Variants in PCMTD1 observed in about 807,000 individuals in gnomAD.
PCMTD1 encodes protein-L-isoaspartate (D-aspartate) O-methyltransferase domain containing 1.
PCMTD1 carries 12 observed loss-of-function variants against 37.6 expected under a neutral mutation model. The observed-to-expected ratio is 0.32, with a 90% CI of 0.20 to 0.52. The LOEUF (loss-of-function observed/expected upper bound fraction) is 0.52. Among genes scored for constraint, PCMTD1 ranks in the 20% least tolerant of loss-of-function variants. The pLI is 0.97. For synonymous variants in PCMTD1, 117 were observed against 135.8 expected, an observed-to-expected ratio of 0.86 and a Z score of 0.96; for missense variants, 235 against 421.3, an observed-to-expected ratio of 0.56 and a Z score of 3.87.
intron 1 of PCMTD1, among the ~76,000 whole-genome samples, chr8:51,887,680 A>C (rs1261230489): frequency 1.3e-5 from 2 of 152,014 alleles, no homozygotes; most frequent in Middle Eastern, 3.2e-3. Context: ...ATAAATTAAA[A>C]AAAAAAAAGA....
chr8:51,897,509 A>G (rs188740665), intron 1 of PCMTD1, among the ~76,000 whole-genome samples: 35 of 152,356 alleles, frequency 2.3e-4, no homozygotes, highest in Admixed American at 2.1e-3. Context: ...AAATTTACTT[A>G]GAAAAAAATG....
chr8:51,830,182 T>C (rs957719471), intron 5 of PCMTD1, among the ~76,000 whole-genome samples: 1 of 152,134 alleles, frequency 6.6e-6, no homozygotes, highest in Non-Finnish European at 1.5e-5. Context: ...TATCGCTAAA[T>C]TGGTGGACCT....
chr8:51,883,190 A>T (rs1313979676), intron 1 of PCMTD1, among the ~76,000 whole-genome samples: 12 of 152,168 alleles, frequency 7.9e-5, no homozygotes, highest in African/African-American at 2.7e-4. Context: ...GTTCAAAATG[A>T]GAGCAAATCA....
intron 1 of PCMTD1, among the ~76,000 whole-genome samples, chr8:51,882,775 G>A (rs7464192): frequency 0.69 from 103,031 of 148,844 alleles, 41,826 homozygotes; most frequent in Non-Finnish European, 0.9. Flanking sequence ...GAGAGAAAAC[G>A]CAAGTCTTTA....
intron 1 of PCMTD1, among the ~76,000 whole-genome samples, chr8:51,888,339 A>G (rs1383390043): frequency 6.6e-6 from 1 of 152,210 alleles, no homozygotes; most frequent in Non-Finnish European, 1.5e-5. Context: ...AAGAGGGAGC[A>G]TCCTTTTAAA....
intron 5 of PCMTD1, among the ~76,000 whole-genome samples, chr8:51,826,432 G>T (rs974652969): frequency 7.2e-5 from 11 of 152,146 alleles, no homozygotes; most frequent in Non-Finnish European, 1.5e-4. Flanking sequence ...GTCATGGGTT[G>T]ATGGGTGCAG....
intron 1 of PCMTD1, among the ~76,000 whole-genome samples, chr8:51,868,412 A>G (rs999359566): frequency 2.6e-5 from 4 of 152,286 alleles, no homozygotes; most frequent in South Asian, 2.1e-4. Context: ...CAAAATGGCT[A>G]TATGTGTTAA....
At chr8:51,842,699 T>C (rs2038164867) in intron 3 of PCMTD1, among the ~76,000 whole-genome samples, 1 of 152,100 alleles carries the variant, frequency 6.6e-6, no homozygotes, top group African/African-American at 2.4e-5. Flanking sequence ...TTACCCCCTC[T>C]ACTGTATTTG....
chr8:51,842,279 AAAG>A, intron 3 of PCMTD1, among the ~76,000 whole-genome samples: 1 of 152,210 alleles, frequency 6.6e-6, no homozygotes, highest in South Asian at 2.1e-4. Flanking sequence ...TTTTTTAAAG[AAAG>A]AATACTACTT....
chr8:51,828,051 T>A (rs905102548), intron 5 of PCMTD1, among the ~76,000 whole-genome samples: 3 of 152,200 alleles, frequency 2.0e-5, no homozygotes, highest in African/African-American at 7.2e-5. Flanking sequence ...TAAAATAAAC[T>A]AAGAAAACTA....
intron 5 of PCMTD1, among the ~76,000 whole-genome samples, chr8:51,826,197 G>A (rs2037919016): frequency 1.3e-5 from 2 of 152,214 alleles, no homozygotes; most frequent in South Asian, 2.1e-4. Flanking sequence ...AAAAAAGGAT[G>A]AGTTCATGTC....
At chr8:51,857,002 G>A (rs1207064457) in intron 2 of PCMTD1, among the ~76,000 whole-genome samples, 1 of 152,238 alleles carries the variant, frequency 6.6e-6, no homozygotes, top group East Asian at 1.9e-4. Context: ...GGCAGAGCGA[G>A]CAAGAGAGAA....
At chr8:51,858,754 A>G (rs2038428340) in intron 2 of PCMTD1, among the ~76,000 whole-genome samples, 2 of 152,248 alleles carry the variant, frequency 1.3e-5, no homozygotes, top group South Asian at 4.1e-4. Context: ...TAGCAGGATC[A>G]TACAAAGATA....
chr8:51,886,840 GAC>G (rs1332465702), intron 1 of PCMTD1, among the ~76,000 whole-genome samples: 1 of 152,194 alleles, frequency 6.6e-6, no homozygotes, highest in African/African-American at 2.4e-5. Context: ...TCAGAAGTCT[GAC>G]ACAGGCTTCA....
chr8:51,885,377 C>CT (rs1367526845), intron 1 of PCMTD1, among the ~76,000 whole-genome samples: 1 of 152,194 alleles, frequency 6.6e-6, no homozygotes, highest in African/African-American at 2.4e-5. Flanking sequence ...CCAGCCCTGA[C>CT]TAAGAGTACT....
chr8:51,866,534 C>G (rs2038557954), intron 1 of PCMTD1, among the ~76,000 whole-genome samples: 1 of 151,834 alleles, frequency 6.6e-6, no homozygotes, highest in East Asian at 1.9e-4. Context: ...TAAGAAAGCA[C>G]AGTCTCTTCA....
At chr8:51,853,344 A>T (rs1317794830) in intron 2 of PCMTD1, among the ~76,000 whole-genome samples, 1 of 152,202 alleles carries the variant, frequency 6.6e-6, no homozygotes, top group Non-Finnish European at 1.5e-5. Context: ...AACCTGACGC[A>T]TTCAGTCCAA....
intron 3 of PCMTD1, among the ~76,000 whole-genome samples, chr8:51,844,090 A>G (rs2038184398): frequency 6.6e-6 from 1 of 152,208 alleles, no homozygotes; most frequent in Non-Finnish European, 1.5e-5. Flanking sequence ...TACATTCATG[A>G]CTGCATCTTA....
chr8:51,889,751 C>T (rs2038911131), intron 1 of PCMTD1, among the ~76,000 whole-genome samples: 4 of 152,032 alleles, frequency 2.6e-5, no homozygotes, highest in Admixed American at 2.6e-4. Context: ...AGCACTATTC[C>T]CACATAAAGT....
Sources: gnomAD v4.1 joint callset for allele counts (sites outside exome capture counted in the v4.1 genomes callset) on GRCh38, gnomAD v4.1.1 for gene constraint, MANE v1.5 for transcripts, NCBI Gene and HGNC (gene_info 2026-07-23, HGNC 2026-07-21) for gene names.